FDX2: variants seen among roughly 807,000 people sequenced by gnomAD.
The protein encoded by FDX2 is ferredoxin-2, mitochondrial.
In FDX2, 13 loss-of-function variants were observed where a neutral mutation model predicts 18.5. The observed-to-expected ratio is 0.70, with a 90% CI of 0.46 to 1.12. The LOEUF (loss-of-function observed/expected upper bound fraction) is 1.12, where lower values mean the gene tolerates loss of function less well. FDX2 is among the 50% of genes most tolerant of loss of function. The probability of loss-of-function intolerance (pLI) is 0.00; values close to 1 mark genes in which losing one functional copy is unlikely to be tolerated. For missense variants in FDX2, 238 were observed against 250.4 expected, an observed-to-expected ratio of 0.95 and a Z score of 0.34; for synonymous variants, 132 against 106.2, an observed-to-expected ratio of 1.24 and a Z score of -1.49.
chr19:10,311,493 G>A (rs1486101428), intron 3 of FDX2, among the ~76,000 whole-genome samples: 1 of 151,810 alleles, frequency 6.6e-6, no homozygotes, highest in Admixed American at 6.6e-5. Flanking sequence ...TGCCTCCCGG[G>A]TTCACGCCAT....
Position 10,315,935 on chromosome 19 carries a change from C to A in FDX2, c.71G>T (p.Gly24Val). The A allele has an allele frequency of 1.9e-6, 3 of 1,608,120 alleles. No individual in the cohort carries two copies. Among genetic ancestry groups the A allele is most frequent in the Non-Finnish European group, 8.5e-7 (1 of 1,177,780 alleles). Reference sequence around the variant, plus strand: ...GCCCCCAGGTCTGTTCCACCAGGTGCCCCTGGCAGCCTGCAGTAGAACCCT... The same window carrying A: ...GCCCCCAGGTCTGTTCCACCAGGTGACCCTGGCAGCCTGCAGTAGAACCCT... Residue 24 changes from glycine to valine, a missense_variant, in exon 1 of 5, where the codon GGC (glycine) becomes GTC (valine). Transcript: ENST00000393708.
intron 3 of FDX2, 51 bp from the exon 4 acceptor site, chr19:10,310,991 G>A: frequency 7.2e-7 from 1 of 1,392,192 alleles, no homozygotes; most frequent in South Asian, 1.2e-5. Context: ...GTCAGGAAGG[G>A]GCTGCTATGC....
In FDX2 at chr19:10,310,966, C is replaced by T. The variant is rs758228066; in HGVS notation, c.317-26G>A. On this transcript the variant is annotated intron_variant, in intron 3 of 4. Transcript: ENST00000393708. ...CTAGGGGTGGGAAGTGAAGGGGGCG[C>T]AGGTGAGTGGCAGAGTCAGGAAGGG... 1.5e-5 allele frequency: 24 copies of T among 1,563,386 alleles called. No homozygotes were observed. The South Asian group carries it at 2.2e-4, about 14-fold the overall frequency.
intron 3 of FDX2, among the ~76,000 whole-genome samples, chr19:10,312,721 T>C (rs1200405818): frequency 5.9e-5 from 9 of 152,086 alleles, no homozygotes; most frequent in African/African-American, 1.7e-4. Context: ...GTATTTTTAG[T>C]AGAGACAGGG....
At chr19:10,311,467 G>A (rs1321880806) in intron 3 of FDX2, among the ~76,000 whole-genome samples, 6 of 149,944 alleles carry the variant, frequency 4.0e-5, no homozygotes, top group Admixed American at 2.7e-4. Flanking sequence ...GCACGATCTC[G>A]GCTCACTGCA....
Position 10,310,429 on chromosome 19 carries a change from A to C in FDX2, c.*57T>G, listed in dbSNP as rs1454375219. 6.9e-6 allele frequency: 11 copies of C among 1,605,098 alleles called. No homozygotes were observed. The highest frequency in any genetic ancestry group is 9.4e-6 in the Non-Finnish European group (11 of 1,172,884). On this transcript the variant is annotated 3_prime_UTR_variant, in exon 5 of 5. Transcript: ENST00000393708. ...CTCTGGGCAGGGCTGGCACCTGGCT[A>C]TTCCCTCAATCTGGGCCCTGGGGCC... is the stretch of plus-strand genomic sequence containing the variant.
At position 10,312,613 on chromosome 19, in the gene FDX2, A is replaced by G. The variant is rs897512329; in HGVS notation, c.317-1673T>C. 4.1e-4 allele frequency among the ~76,000 whole-genome samples: 63 copies of G among 152,140 alleles called. No individual in the cohort carries two copies. In the Middle Eastern group the frequency reaches 0.01, roughly 25 times the overall value. On this transcript the variant is annotated intron_variant, in intron 3 of 4. Coordinates refer to ENST00000393708, the MANE Select transcript of FDX2 (RefSeq NM_001031734.4). ...AGTGGCGTGATCTCGGCTCACTACAAGCTCCGCTTCCCGGATTCACGCCAT... is the reference window on the plus strand; with the variant it reads ...AGTGGCGTGATCTCGGCTCACTACAGGCTCCGCTTCCCGGATTCACGCCAT...
intron 3 of FDX2, 86 bp from the exon 4 acceptor site, chr19:10,311,026 T>TACG: frequency 2.1e-6 from 2 of 957,636 alleles, no homozygotes; most frequent in Non-Finnish European, 3.2e-6. Flanking sequence ...AGTAGACCTC[T>TACG]CTTCCACCAC....
chr19:10,310,802 G>A (rs757063694), intron 4 of FDX2, 51 bp downstream of exon 4: 7 of 1,577,458 alleles, frequency 4.4e-6, no homozygotes, highest in African/African-American at 1.4e-5. Context: ...GGTGGGGGCT[G>A]CTGAATGCTC....
At chr19:10,310,700 G>T in intron 4 of FDX2, 58 bp from the exon 5 acceptor site, 1 of 808,776 alleles carries the variant, frequency 1.2e-6, no homozygotes, top group South Asian at 1.4e-5. Flanking sequence ...TGGGTGGGGG[G>T]CCAGAGGTGG....
At chr19:10,310,756 G>T in intron 4 of FDX2, 97 bp downstream of exon 4, 1 of 1,462,834 alleles carries the variant, frequency 6.8e-7, no homozygotes. Flanking sequence ...GGTGGGGGAG[G>T]CAGCTCCCAT....
intron 3 of FDX2, among the ~76,000 whole-genome samples, chr19:10,311,866 A>ATTT (rs34531286): frequency 1.6e-4 from 16 of 97,250 alleles, no homozygotes; most frequent in South Asian, 3.5e-4. Flanking sequence ...CACCTGGCTA[A>ATTT]TTTTTTTTTT....
intron 3 of FDX2, among the ~76,000 whole-genome samples, chr19:10,314,966 T>C (rs1469963745): frequency 1.3e-5 from 2 of 151,984 alleles, no homozygotes; most frequent in Admixed American, 1.3e-4. Flanking sequence ...CTGGGCTTGG[T>C]GGTGGGCGCC....
In FDX2 at chr19:10,315,422, G is replaced by T. The variant is rs750708672; in HGVS notation, c.280C>A (p.Leu94Ile). 2 of 1,611,892 alleles carry T rather than the reference G, an allele frequency of 1.2e-6. No homozygotes were observed. Among genetic ancestry groups the T allele is most frequent in the Non-Finnish European group, 1.7e-6 (2 of 1,179,602 alleles). Residue 94 changes from leucine to isoleucine, a missense_variant, in exon 3 of 5, where the codon CTT becomes ATT. By Grantham distance (5) the Leu-to-Ile change is conservative. Transcript: ENST00000393708. ...ACCCCGTGGCGCTGGGCCAGGTGAA[G>T]AACATTGTCCCCGACTCTGCCACTC...
chr19:10,315,762 G>T lies in FDX2; in HGVS notation c.155-3C>A. The T allele has an allele frequency of 6.2e-7, 1 of 1,600,238 alleles. No individual in the cohort carries two copies. Among genetic ancestry groups the T allele is most frequent in the South Asian group, 1.1e-5 (1 of 89,608 alleles). On this transcript the variant is annotated splice_polypyrimidine_tract_variant and splice_region_variant and intron_variant, in intron 1 of 4. Coordinates refer to ENST00000393708, the MANE Select transcript of FDX2 (RefSeq NM_001031734.4). ...CTCCTCTCCAGCCGGGCGCGAGCCT[G>T]GAAAACACGGTTCGGTGAGCGGCTG...
chr19:10,311,400 TG>T (rs1204319496), intron 3 of FDX2, among the ~76,000 whole-genome samples: 9 of 145,552 alleles, frequency 6.2e-5, no homozygotes, highest in Admixed American at 2.1e-4. Context: ...ATTAGGATTT[TG>T]TTTTTTTTTT....
chr19:10,310,691 G>GGGTGGGGGGCCAGA, intron 4 of FDX2, 49 bp from the exon 5 acceptor site: 2 of 1,571,704 alleles, frequency 1.3e-6, no homozygotes, highest in South Asian at 2.2e-5. Flanking sequence ...CTAGCTGGGT[G>GGGTGGGGGGCCAGA]GGTGGGGGGC....
intron 3 of FDX2, among the ~76,000 whole-genome samples, chr19:10,314,326 C>T (rs1205496375): frequency 1.3e-5 from 2 of 152,176 alleles, no homozygotes; most frequent in East Asian, 1.9e-4. Context: ...AATTATCAAA[C>T]ATCTGTTACA....
intron 3 of FDX2, among the ~76,000 whole-genome samples, chr19:10,314,794 T>G (rs1162217843): frequency 6.6e-6 from 1 of 152,054 alleles, no homozygotes; most frequent in Non-Finnish European, 1.5e-5. Context: ...AGCTTGGTTG[T>G]TTGAGGAACC....
Sources: allele counts gnomAD v4.1 joint callset (sites outside exome capture counted in the v4.1 genomes callset), GRCh38; gene constraint gnomAD v4.1.1; transcripts MANE v1.5; gene names NCBI Gene and HGNC (gene_info 2026-07-23, HGNC 2026-07-21).